Variants in KAZN observed in about 807,000 individuals in gnomAD.
KAZN encodes the protein kazrin, periplakin interacting protein.
KAZN carries 40 observed loss-of-function variants against 87.4 expected under a neutral mutation model. The ratio of observed to expected loss-of-function variants is 0.46; its 90% confidence interval spans 0.36 to 0.60. The LOEUF (loss-of-function observed/expected upper bound fraction) is 0.60. Ranked by LOEUF, KAZN falls within the 20% of genes least tolerant of loss-of-function variation. The pLI is 0.00. For missense variants in KAZN, 898 were observed against 1,073.9 expected (o/e 0.84, Z 2.29); for synonymous variants, 466 against 458.3 (o/e 1.02, Z -0.22).
chr1:14,984,874 G>A (rs1232014869), intron 2 of KAZN, among the ~76,000 whole-genome samples: 4 of 152,062 alleles, frequency 2.6e-5, no homozygotes, highest in Non-Finnish European at 5.9e-5. Context: ...GGGGAAAGGA[G>A]GGCCTGTAAT....
At chr1:14,083,280 A>G (rs145870863) in intron 1 of KAZN, among the ~76,000 whole-genome samples, 1 of 152,364 alleles carries the variant, frequency 6.6e-6, no homozygotes, top group East Asian at 1.9e-4. Context: ...TGTACCTATA[A>G]ATAACATTGA....
intron 1 of KAZN, among the ~76,000 whole-genome samples, chr1:14,616,997 C>T (rs914967438): frequency 6.6e-6 from 1 of 152,166 alleles, no homozygotes; most frequent in Non-Finnish European, 1.5e-5. Flanking sequence ...GTGTCATGAG[C>T]CACTTCCATT....
intron 2 of KAZN, among the ~76,000 whole-genome samples, chr1:14,226,994 A>G (rs1296610421): frequency 6.6e-6 from 1 of 152,132 alleles, no homozygotes; most frequent in Non-Finnish European, 1.5e-5. Flanking sequence ...CCAAACCCCC[A>G]CAACACACAA....
intron 2 of KAZN, among the ~76,000 whole-genome samples, chr1:15,004,955 T>C (rs1193871589): frequency 3.3e-5 from 5 of 152,196 alleles, no homozygotes; most frequent in African/African-American, 7.2e-5. Context: ...CTTTTTATGA[T>C]TGCCATTATT....
intron 1 of KAZN, among the ~76,000 whole-genome samples, chr1:14,716,197 A>G (rs1175695161): frequency 2.0e-5 from 3 of 152,234 alleles, no homozygotes; most frequent in Middle Eastern, 3.4e-3. Context: ...GTGTGTGTGC[A>G]TTGGAAGGGC....
At chr1:14,426,294 T>C (rs1374697020) in intron 2 of KAZN, among the ~76,000 whole-genome samples, 1 of 152,160 alleles carries the variant, frequency 6.6e-6, no homozygotes, top group Non-Finnish European at 1.5e-5. Context: ...CCCTGACCAC[T>C]CACCCCACAT....
intron 1 of KAZN, among the ~76,000 whole-genome samples, chr1:14,143,726 T>C (rs1217076279): frequency 1.3e-5 from 2 of 152,074 alleles, no homozygotes; most frequent in East Asian, 1.9e-4. Context: ...CTTTTTTTTT[T>C]CTTTTTTTTG....
Position 14,934,809 on chromosome 1 carries a change from G to A in KAZN, c.227-25875G>A, listed in dbSNP as rs141712523. ...CAATTGCCCATCCTGGCCTCCAGTC[G>A]CCCCCTCCATCTCTCCTTTCAGAGA... is the stretch of plus-strand genomic sequence containing the variant. On this transcript the variant is annotated intron_variant, in intron 1 of 14. Coordinates refer to ENST00000376030, the MANE Select transcript of KAZN (RefSeq NM_201628.3). Among the ~76,000 whole-genome samples the A allele has an allele frequency of 3.4e-3, 512 of 152,248 alleles. 7 individuals are homozygous for A. Among genetic ancestry groups the A allele is most frequent in the Middle Eastern group, 0.01 (3 of 294 alleles).
At chr1:15,032,177 T>C (rs1040861173) in intron 2 of KAZN, among the ~76,000 whole-genome samples, 1 of 114,524 alleles carries the variant, frequency 8.7e-6, no homozygotes, top group Non-Finnish European at 1.8e-5. Flanking sequence ...ATTGTGGACA[T>C]TTCTTTTTTT....
intron 2 of KAZN, among the ~76,000 whole-genome samples, chr1:14,368,719 G>T (rs1660214624): frequency 6.6e-6 from 1 of 152,178 alleles, no homozygotes; most frequent in Non-Finnish European, 1.5e-5. Context: ...CACCCAAACT[G>T]AAGAAAGAGA....
chr1:14,717,877 C>G (rs1162264107), intron 1 of KAZN, among the ~76,000 whole-genome samples: 2 of 152,220 alleles, frequency 1.3e-5, no homozygotes, highest in Non-Finnish European at 2.9e-5. Flanking sequence ...GACCCCCACC[C>G]CTGCTGCACC....
chr1:14,770,287 A>G (rs56111696), intron 1 of KAZN, among the ~76,000 whole-genome samples: 25,060 of 152,186 alleles, frequency 0.16, 2,185 homozygotes, highest in African/African-American at 0.23. Context: ...GTCAACAGTC[A>G]ATGGGGAATC....
rs1163779940 is a variant in KAZN, at chr1:15,109,916, T to G, written c.2049-2511T>G. On this transcript the variant is annotated intron_variant, in intron 13 of 14. Transcript: ENST00000376030. ...GTGTGTATATGTGTTTGTGTATGTTTGTGTATGGGTGTGTGTGTGTGTGTG... is the reference window on the plus strand; with the variant it reads ...GTGTGTATATGTGTTTGTGTATGTTGGTGTATGGGTGTGTGTGTGTGTGTG... Among the ~76,000 whole-genome samples, 6 of 150,870 alleles carry G rather than the reference T, an allele frequency of 4.0e-5. No individual in the cohort carries two copies. In the East Asian group the frequency reaches 7.8e-4, roughly 19 times the overall value.
intron 2 of KAZN, among the ~76,000 whole-genome samples, chr1:14,368,270 TTTGGAAGGCAGCAG>T (rs1660177266): frequency 6.6e-6 from 1 of 152,138 alleles, no homozygotes; most frequent in Admixed American, 6.5e-5. Context: ...CAGTGTTGTC[TTTGGAAGGCAGCAG>T]TGACCCCAGT....
chr1:14,557,442 G>T (rs556902891), intron 2 of KAZN, among the ~76,000 whole-genome samples: 1 of 152,082 alleles, frequency 6.6e-6, no homozygotes, highest in African/African-American at 2.4e-5. Context: ...AGAGAATGGC[G>T]TAGGTGTCAG....
intron 2 of KAZN, among the ~76,000 whole-genome samples, chr1:14,500,224 C>T (rs193063026): frequency 6.5e-4 from 99 of 152,254 alleles, no homozygotes; most frequent in Middle Eastern, 3.4e-3. Context: ...TCAAGGGCCA[C>T]ACCTCCCCTG....
intron 1 of KAZN, among the ~76,000 whole-genome samples, chr1:14,722,175 A>G (rs1412419431): frequency 6.6e-6 from 1 of 152,082 alleles, no homozygotes; most frequent in Non-Finnish European, 1.5e-5. Flanking sequence ...ATAAAAAATA[A>G]AAAATGGTGA....
At chr1:14,579,925 T>A (rs1675436490) in intron 2 of KAZN, among the ~76,000 whole-genome samples, 1 of 152,030 alleles carries the variant, frequency 6.6e-6, no homozygotes, top group African/African-American at 2.4e-5. Context: ...ACCGGGTTCA[T>A]TCACTTTATT....
chr1:14,718,454 A>G (rs1642922374), intron 1 of KAZN, among the ~76,000 whole-genome samples: 1 of 152,250 alleles, frequency 6.6e-6, no homozygotes, highest in African/African-American at 2.4e-5. Flanking sequence ...GGGTTTCCGC[A>G]TATCACAATA....
Sources: gnomAD v4.1 joint callset for allele counts (sites outside exome capture counted in the v4.1 genomes callset) on GRCh38, gnomAD v4.1.1 for gene constraint, MANE v1.5 for transcripts, NCBI Gene and HGNC (gene_info 2026-07-23, HGNC 2026-07-21) for gene names.